The following NAALADL2 variants were observed in gnomAD, a reference collection of about 807,000 sequenced individuals.
NAALADL2 encodes the protein N-acetylated alpha-linked acidic dipeptidase like 2.
A neutral mutation model predicts 87.2 loss-of-function variants in NAALADL2; 76 were observed. The observed-to-expected ratio is 0.87, with a 90% CI of 0.72 to 1.05. The LOEUF is 1.05. Among genes scored for constraint, NAALADL2 ranks in the 50% least tolerant of loss-of-function variants. NAALADL2 has a pLI of 0.00. For synonymous variants in NAALADL2, 354 were observed against 331.0 expected (o/e 1.07, Z -0.75); for missense variants, 1,089 against 945.8 (o/e 1.15, Z -1.99).
At chr3:175,667,207 GAA>G (rs1252999884) in intron 11 of NAALADL2, among the ~76,000 whole-genome samples, 1 of 114,870 alleles carries the variant, frequency 8.7e-6, no homozygotes, top group African/African-American at 5.3e-5. Flanking sequence ...AAGAAAGAAA[GAA>G]AGAAAGAAAG....
At chr3:174,725,231 A>G (rs1732072997) in intron 2 of NAALADL2, among the ~76,000 whole-genome samples, 1 of 152,172 alleles carries the variant, frequency 6.6e-6, no homozygotes, top group African/African-American at 2.4e-5. Flanking sequence ...AAGTCTTAGG[A>G]GAATCCTTTG....
intron 1 of NAALADL2, among the ~76,000 whole-genome samples, chr3:175,011,304 GA>G (rs1312593903): frequency 3.3e-5 from 5 of 150,558 alleles, no homozygotes; most frequent in Admixed American, 3.3e-4. Context: ...GAGAGAGAGA[GA>G]GAGAGAGAGA....
chr3:174,847,515 C>A (rs1473234460), intron 3 of NAALADL2, among the ~76,000 whole-genome samples: 1 of 151,970 alleles, frequency 6.6e-6, no homozygotes, highest in East Asian at 1.9e-4. Flanking sequence ...CCATTAGTTC[C>A]CAACAGTTGA....
At chr3:175,546,790 C>G (rs1023757114) in intron 9 of NAALADL2, among the ~76,000 whole-genome samples, 2 of 151,998 alleles carry the variant, frequency 1.3e-5, no homozygotes, top group Admixed American at 1.3e-4. Context: ...CTCTAGATGC[C>G]TGTAACATTT....
intron 13 of NAALADL2, among the ~76,000 whole-genome samples, chr3:175,794,672 C>G (rs556224527): frequency 2.0e-5 from 3 of 152,256 alleles, no homozygotes; most frequent in African/African-American, 7.2e-5. Context: ...TGCAAAAGAA[C>G]ACAGTTGTTT....
intron 3 of NAALADL2, among the ~76,000 whole-genome samples, chr3:174,773,968 T>A (rs532792164): frequency 6.6e-6 from 1 of 152,264 alleles, no homozygotes; most frequent in South Asian, 2.1e-4. Context: ...TTCCCCTCTA[T>A]CACTGAATTT....
intron 2 of NAALADL2, among the ~76,000 whole-genome samples, chr3:174,726,818 G>A (rs1029378961): frequency 8.6e-5 from 13 of 151,938 alleles, no homozygotes; most frequent in African/African-American, 9.7e-5. Flanking sequence ...GTGTTCACGC[G>A]TTTCCACTGC....
intron 2 of NAALADL2, among the ~76,000 whole-genome samples, chr3:174,728,898 A>G (rs1020333597): frequency 6.6e-6 from 1 of 152,092 alleles, no homozygotes; most frequent in Non-Finnish European, 1.5e-5. Flanking sequence ...ATAGTAGTCT[A>G]TTGTTTTACT....
At chr3:174,927,664 A>G (rs1736278455) in intron 1 of NAALADL2, among the ~76,000 whole-genome samples, 1 of 152,234 alleles carries the variant, frequency 6.6e-6, no homozygotes, top group Admixed American at 6.5e-5. Flanking sequence ...AACCAATGAG[A>G]ACAAAGACAC....
At chr3:175,256,689 T>C in intron 4 of NAALADL2, 159 bp downstream of exon 4, 1 of 537,922 alleles carries the variant, frequency 1.9e-6, no homozygotes, top group East Asian at 3.5e-5. Context: ...CACAGAAAGA[T>C]GGCTTTTCCA....
In NAALADL2 at chr3:174,953,229, G is replaced by A. The variant is rs191901302; in HGVS notation, c.43+93779G>A. ...TAACCTCAACTGCTTTGCTACATGGGCTCCTGGTTAAAACCATTTTATTCA... is the reference window on the plus strand; with the variant it reads ...TAACCTCAACTGCTTTGCTACATGGACTCCTGGTTAAAACCATTTTATTCA... On this transcript the variant is annotated intron_variant, in intron 1 of 13. Coordinates refer to ENST00000454872, the MANE Select transcript of NAALADL2 (RefSeq NM_207015.3). Among the ~76,000 whole-genome samples the A allele has an allele frequency of 2.8e-3, 407 of 144,902 alleles. 4 individuals are homozygous for A. The highest frequency in any genetic ancestry group is 9.9e-3 in the African/African-American group (387 of 39,240).
intron 2 of NAALADL2, among the ~76,000 whole-genome samples, chr3:174,712,759 C>A (rs1730780416): frequency 6.6e-6 from 1 of 151,642 alleles, no homozygotes; most frequent in Admixed American, 6.6e-5. Context: ...AACAATGACA[C>A]TTTTTTTTAT....
chr3:174,935,525 T>G lies in NAALADL2; in HGVS notation c.43+76075T>G, dbSNP rs190954445. On this transcript the variant is annotated intron_variant, in intron 1 of 13. Coordinates refer to ENST00000454872, the MANE Select transcript of NAALADL2 (RefSeq NM_207015.3). Reference sequence around the variant, plus strand: ...TCAAAATTTGCAATTGAATTAGTAGTGGTGGAAGTGATGGAGGGGCAATAG... The same window carrying G: ...TCAAAATTTGCAATTGAATTAGTAGGGGTGGAAGTGATGGAGGGGCAATAG... Among the ~76,000 whole-genome samples, 9 of 152,240 alleles carry G rather than the reference T, an allele frequency of 5.9e-5. No homozygotes were observed. In the East Asian group the frequency reaches 9.6e-4, roughly 16 times the overall value.
At chr3:175,511,925 C>G (rs1252061836) in intron 9 of NAALADL2, among the ~76,000 whole-genome samples, 1 of 152,144 alleles carries the variant, frequency 6.6e-6, no homozygotes, top group Non-Finnish European at 1.5e-5. Context: ...AATCAATAGT[C>G]CTGTCTACTA....
At chr3:174,536,107 C>G (rs1721698521) in intron 1 of NAALADL2, among the ~76,000 whole-genome samples, 1 of 152,062 alleles carries the variant, frequency 6.6e-6, no homozygotes, top group South Asian at 2.1e-4. Flanking sequence ...CAGATAGTTT[C>G]AAGCAAATAC....
intron 4 of NAALADL2, among the ~76,000 whole-genome samples, chr3:175,260,633 CAGTT>C (rs752509411): frequency 9.9e-5 from 15 of 152,074 alleles, no homozygotes; most frequent in South Asian, 2.1e-4. Flanking sequence ...TATGAATCAA[CAGTT>C]AGTCATGATT....
chr3:175,348,859 C>T (rs745599773), intron 5 of NAALADL2, among the ~76,000 whole-genome samples: 7 of 152,176 alleles, frequency 4.6e-5, no homozygotes, highest in South Asian at 2.1e-4. Flanking sequence ...TCCGTTATAA[C>T]GTGTATCTAT....
chr3:175,720,224 A>G (rs1285264456), intron 11 of NAALADL2, among the ~76,000 whole-genome samples: 1 of 152,178 alleles, frequency 6.6e-6, no homozygotes, highest in African/African-American at 2.4e-5. Flanking sequence ...CGATGCTGAA[A>G]TAAACTATAA....
In NAALADL2 at chr3:175,331,397, C is replaced by A. The variant is rs1287529173; in HGVS notation, c.1090+7072C>A. 2.0e-5 allele frequency among the ~76,000 whole-genome samples: 3 copies of A among 152,166 alleles called. No individual in the cohort carries two copies. The East Asian group carries it at 5.8e-4, about 29-fold the overall frequency. ...CCTGATGAACATAGACACAAAAAAT[C>A]ATCAACCAAATACTAGCAAACCAAA... On this transcript the variant is annotated intron_variant, in intron 5 of 13. Transcript: ENST00000454872.
Sources: gnomAD v4.1 joint callset for allele counts (sites outside exome capture counted in the v4.1 genomes callset) on GRCh38, gnomAD v4.1.1 for gene constraint, MANE v1.5 for transcripts, NCBI Gene and HGNC (gene_info 2026-07-23, HGNC 2026-07-21) for gene names.